Variants in CCSER1 observed in about 807,000 individuals in gnomAD.
CCSER1 encodes the protein coiled-coil serine rich protein 1, also known as serine-rich coiled-coil domain-containing protein 1.
CCSER1 carries 41 observed loss-of-function variants against 82.0 expected under a neutral mutation model. The observed-to-expected ratio is 0.50, with a 90% CI of 0.39 to 0.65. The LOEUF is 0.65. Ranked by LOEUF, CCSER1 falls within the 30% of genes least tolerant of loss-of-function variation. CCSER1 has a pLI of 0.00. For synonymous variants in CCSER1, 414 were observed against 383.9 expected (o/e 1.08, Z -0.92); for missense variants, 1,119 against 1,064.2 (o/e 1.05, Z -0.72).
chr4:90,636,397 T>C (rs1725422625), intron 6 of CCSER1, among the ~76,000 whole-genome samples: 1 of 151,932 alleles, frequency 6.6e-6, no homozygotes. Context: ...AACATATGCC[T>C]ATTAAAAAAA....
Position 91,495,667 on chromosome 4 carries a change from A to T in CCSER1, c.2218-102905A>T, listed in dbSNP as rs1045193876. Among the ~76,000 whole-genome samples the T allele has an allele frequency of 2.0e-5, 3 of 151,568 alleles. No homozygotes were observed. In the South Asian group the frequency reaches 6.2e-4, roughly 31 times the overall value. The stretch of plus-strand genomic sequence containing the variant: ...TTCATAATTTTGGTTTACAAGCAGA[A>T]ATATTTAGAAATATTTTTCCCCAAA... On this transcript the variant is annotated intron_variant, in intron 10 of 10. Transcript: ENST00000509176.
intron 10 of CCSER1, among the ~76,000 whole-genome samples, chr4:91,418,162 A>T (rs1753477799): frequency 6.6e-6 from 1 of 152,006 alleles, no homozygotes; most frequent in African/African-American, 2.4e-5. Context: ...TTAAATTCAC[A>T]CCTGAAGGAA....
intron 8 of CCSER1, among the ~76,000 whole-genome samples, chr4:90,886,622 TATA>T (rs1441745040): frequency 6.6e-6 from 1 of 152,186 alleles, no homozygotes; most frequent in Non-Finnish European, 1.5e-5. Flanking sequence ...ACAGAATATT[TATA>T]ATGTACTAGA....
rs1410022987 is a variant in CCSER1, at chr4:91,185,252, A to G, written c.2217+99258A>G. 2.6e-5 allele frequency among the ~76,000 whole-genome samples: 4 copies of G among 152,186 alleles called. No individual in the cohort carries two copies. The East Asian group carries it at 7.7e-4, about 29-fold the overall frequency. ...TAATTTCACTTTTTCCCATTTCCAC[A>G]TATGGCACAATTAGGAGCTGTGCCA... On this transcript the variant is annotated intron_variant, in intron 10 of 10. Coordinates refer to ENST00000509176, the MANE Select transcript of CCSER1 (RefSeq NM_001145065.2).
At chr4:90,849,720 C>A (rs1763618028) in intron 8 of CCSER1, among the ~76,000 whole-genome samples, 1 of 147,412 alleles carries the variant, frequency 6.8e-6, no homozygotes, top group East Asian at 2.0e-4. Context: ...ACCCAGGAGG[C>A]AGAGCTTGCA....
At chr4:90,345,910 GT>G (rs1258371751) in intron 3 of CCSER1, among the ~76,000 whole-genome samples, 2 of 152,060 alleles carry the variant, frequency 1.3e-5, no homozygotes, top group East Asian at 3.9e-4. Context: ...AAGAGAAAAA[GT>G]ATTTTATTTT....
At chr4:91,305,127 T>A (rs1019179153) in intron 10 of CCSER1, among the ~76,000 whole-genome samples, 2 of 152,068 alleles carry the variant, frequency 1.3e-5, no homozygotes, top group Non-Finnish European at 2.9e-5. Context: ...TATCTCAGTG[T>A]ATGTCTTATT....
chr4:90,529,243 C>T (rs138032129), intron 5 of CCSER1, among the ~76,000 whole-genome samples: 14 of 152,006 alleles, frequency 9.2e-5, no homozygotes, highest in African/African-American at 2.7e-4. Context: ...GCGAGTGAGT[C>T]TCACTCTGTC....
At chr4:90,948,456 A>G (rs1732523184) in intron 9 of CCSER1, among the ~76,000 whole-genome samples, 1 of 151,676 alleles carries the variant, frequency 6.6e-6, no homozygotes, top group Non-Finnish European at 1.5e-5. Context: ...TTTTTCGTTT[A>G]TTCTTTTTCT....
chr4:91,234,424 A>G (rs1738848298), intron 10 of CCSER1, among the ~76,000 whole-genome samples: 1 of 152,100 alleles, frequency 6.6e-6, no homozygotes, highest in African/African-American at 2.4e-5. Flanking sequence ...AGATAGCTCA[A>G]TTAGAGGTTA....
chr4:91,480,062 G>T (rs1757818636), intron 10 of CCSER1, among the ~76,000 whole-genome samples: 1 of 148,460 alleles, frequency 6.7e-6, no homozygotes, highest in Non-Finnish European at 1.5e-5. Flanking sequence ...TCCCTACAAA[G>T]GACATGAACT....
intron 8 of CCSER1, among the ~76,000 whole-genome samples, chr4:90,876,849 T>C (rs1767274992): frequency 6.6e-6 from 1 of 152,144 alleles, no homozygotes; most frequent in East Asian, 1.9e-4. Flanking sequence ...TTGATGTATC[T>C]ATAAAACGTA....
chr4:91,183,279 T>C (rs1416796022), intron 10 of CCSER1, among the ~76,000 whole-genome samples: 1 of 152,214 alleles, frequency 6.6e-6, no homozygotes, highest in Admixed American at 6.5e-5. Context: ...AATATCTCAA[T>C]TACAGCTACA....
At chr4:91,098,635 G>T (rs866163992) in intron 10 of CCSER1, among the ~76,000 whole-genome samples, 1 of 151,298 alleles carries the variant, frequency 6.6e-6, no homozygotes, top group African/African-American at 2.4e-5. Flanking sequence ...TCCGCCTCCC[G>T]GGTTCATGCC....
At chr4:90,153,906 C>G (rs997885694) in intron 1 of CCSER1, among the ~76,000 whole-genome samples, 11 of 152,096 alleles carry the variant, frequency 7.2e-5, no homozygotes, top group African/African-American at 1.9e-4. Context: ...TCAATTTTGG[C>G]TTTTGTTGCC....
intron 10 of CCSER1, among the ~76,000 whole-genome samples, chr4:91,534,822 T>C (rs916199914): frequency 6.6e-6 from 1 of 151,842 alleles, no homozygotes; most frequent in Non-Finnish European, 1.5e-5. Flanking sequence ...TTCAAGAAAA[T>C]GTGCTCAATC....
chr4:90,545,992 C>G (rs558121400), intron 5 of CCSER1, among the ~76,000 whole-genome samples: 1 of 152,196 alleles, frequency 6.6e-6, no homozygotes, highest in Non-Finnish European at 1.5e-5. Flanking sequence ...GTACAGCATG[C>G]AACCAACACA....
intron 6 of CCSER1, among the ~76,000 whole-genome samples, chr4:90,684,822 G>A (rs752609225): frequency 3.3e-5 from 5 of 151,992 alleles, no homozygotes; most frequent in Admixed American, 6.6e-5. Context: ...TATTATAAGC[G>A]GTGGGGCGGG....
At chr4:90,201,111 T>G (rs1737618499) in intron 1 of CCSER1, among the ~76,000 whole-genome samples, 2 of 152,112 alleles carry the variant, frequency 1.3e-5, no homozygotes, top group South Asian at 4.1e-4. Flanking sequence ...GAGTGCATGC[T>G]TCACATGCAA....
Sources: allele counts gnomAD v4.1 joint callset (sites outside exome capture counted in the v4.1 genomes callset), GRCh38; gene constraint gnomAD v4.1.1; transcripts MANE v1.5; gene names NCBI Gene and HGNC (gene_info 2026-07-23, HGNC 2026-07-21).